Variants in ATAD3C observed in about 807,000 individuals in gnomAD.
ATAD3C encodes the protein ATPase family AAA domain containing 3C.
ATAD3C carries 38 observed loss-of-function variants against 46.3 expected under a neutral mutation model. The ratio of observed to expected loss-of-function variants is 0.82; its 90% CI spans 0.63 to 1.08. The LOEUF is 1.08. ATAD3C is among the 50% of genes least tolerant of loss of function. The pLI, the probability that ATAD3C is intolerant of heterozygous loss-of-function variation, is 0.00. For missense variants in ATAD3C, 563 were observed against 572.7 expected (o/e 0.98, Z 0.17); for synonymous variants, 220 against 236.4 (o/e 0.93, Z 0.63).
chr1:1,455,678 G>A, intron 5 of ATAD3C, 113 bp from the exon 6 acceptor site: 1 of 1,560,954 alleles, frequency 6.4e-7, no homozygotes, highest in Non-Finnish European at 8.7e-7. Flanking sequence ...CTGCCCACGA[G>A]CTGGGTGGCT....
At chr1:1,452,234 C>T in intron 2 of ATAD3C, 112 bp downstream of exon 2, 1 of 1,579,864 alleles carries the variant, frequency 6.3e-7, no homozygotes, top group Non-Finnish European at 8.6e-7. Context: ...AGGCTGGCTC[C>T]TTGGTGGGGA....
Position 1,455,896 on chromosome 1 carries a change from G to C in ATAD3C, c.544G>C (p.Gly182Arg). The C allele has an allele frequency of 5.0e-6, 8 of 1,613,284 alleles. No homozygotes were observed. Among genetic ancestry groups the C allele is most frequent in the Non-Finnish European group, 6.8e-6 (8 of 1,179,702 alleles). ...HILLYGPPGT[G>R]KTLFAKKLAL... ...CCTGCTGTACGGGCCACCAGGCACC[G>C]GGAAGACGCTGTTTGCCAAGGTGAG... is the stretch of plus-strand genomic sequence containing the variant. Residue 182 changes from glycine (G) to arginine (R), a missense_variant, in exon 6 of 12, where the codon GGG becomes CGG. Physicochemically the swap from Gly to Arg is moderately radical, Grantham distance 125. Around this residue, in one of 3 missense-constraint regions of ATAD3C, gnomAD observed 263 missense variants for 243.1 expected, o/e 1.08. Transcript: ENST00000378785.
Position 1,455,649 on chromosome 1 carries a change from C to CCAAGCA in ATAD3C, c.438+130_438+131insCAAGCA. The CCAAGCA allele has an allele frequency of 1.9e-6, 3 of 1,561,232 alleles. No individual in the cohort carries two copies. The South Asian group carries it at 3.5e-5, about 18-fold the overall frequency. ...GGTCCTGAGATGCGACTGCTTGGAC[C>CCAAGCA]GTGCCGGGGATAGATAGGCTGCCCA... On this transcript the variant is annotated intron_variant, in intron 5 of 11. Coordinates refer to ENST00000378785, the MANE Select transcript of ATAD3C (RefSeq NM_001039211.3).
At chr1:1,463,754 T>TA (rs914408071) in intron 11 of ATAD3C, among the ~76,000 whole-genome samples, 6 of 151,146 alleles carry the variant, frequency 4.0e-5, no homozygotes, top group Admixed American at 1.3e-4. Context: ...CTACAAAAAA[T>TA]AAAAAAAATT....
intron 11 of ATAD3C, among the ~76,000 whole-genome samples, chr1:1,467,119 G>A (rs1356220883): frequency 6.6e-6 from 1 of 152,044 alleles, no homozygotes; most frequent in African/African-American, 2.4e-5. Context: ...CCGCGACCAG[G>A]TTTTGCCCCA....
intron 11 of ATAD3C, among the ~76,000 whole-genome samples, chr1:1,467,221 G>A (rs1238634220): frequency 1.3e-5 from 2 of 152,082 alleles, no homozygotes; most frequent in African/African-American, 4.8e-5. Flanking sequence ...GGCTCCGTGA[G>A]CATCTGCTCA....
chr1:1,455,341 C>G, intron 4 of ATAD3C, 119 bp from the exon 5 acceptor site: 3 of 1,431,410 alleles, frequency 2.1e-6, no homozygotes, highest in African/African-American at 1.4e-5. Context: ...AGCTCCAGGC[C>G]GGTCCTGGCT....
chr1:1,467,320 G>A (rs1025440332), intron 11 of ATAD3C, among the ~76,000 whole-genome samples: 3 of 151,872 alleles, frequency 2.0e-5, no homozygotes, highest in Non-Finnish European at 4.4e-5. Flanking sequence ...CTCTTGGGTG[G>A]GCTCAAGACC....
chr1:1,458,448 CT>C (rs201787085), intron 8 of ATAD3C, among the ~76,000 whole-genome samples: 59 of 146,604 alleles, frequency 4.0e-4, no homozygotes, highest in Non-Finnish European at 3.6e-4. Flanking sequence ...CTCATTTTGT[CT>C]TTTTTTTTTT....
intron 5 of ATAD3C, 70 bp from the exon 6 acceptor site, chr1:1,455,721 T>A (rs572516167): frequency 6.3e-7 from 1 of 1,597,760 alleles, no homozygotes; most frequent in Non-Finnish European, 8.5e-7. Flanking sequence ...CCAGGCATTC[T>A]CGCAGCCCCT....
rs550776499 is a variant in ATAD3C, at chr1:1,450,094, T to C, written c.-590T>C. On this transcript the variant is annotated 5_prime_UTR_variant, in exon 1 of 12. Transcript: ENST00000378785. ...CTGTAATCCCAGCACTTTGGGAGGCTGAGGTGGGCGGATCACGAGGTCAGG... is the reference window on the plus strand; with the variant it reads ...CTGTAATCCCAGCACTTTGGGAGGCCGAGGTGGGCGGATCACGAGGTCAGG... 33 of 152,322 alleles carry C rather than the reference T, an allele frequency of 2.2e-4. 1 individual carries two copies. In the East Asian group the frequency reaches 6.0e-3, roughly 28 times the overall value. 9.4% of individuals were successfully genotyped at this position (152,322 alleles called of 1,614,324 possible).
Position 1,450,363 on chromosome 1 carries a change from G to T in ATAD3C, c.-321G>T. ...AAAAGCATGTGTAACGTGAAAAAAT[G>T]GACACTTTAGCCATCGCCTGACTTT... On this transcript the variant is annotated 5_prime_UTR_variant, in exon 1 of 12. It removes an upstream start codon present in the reference 5' UTR. Transcript: ENST00000378785. 3.5e-6 allele frequency: 1 copy of T among 282,540 alleles called. No homozygotes were observed. Among genetic ancestry groups the T allele is most frequent in the Non-Finnish European group, 6.8e-6 (1 of 147,016 alleles). The allele number at this position is 282,540 out of a possible 1,614,324, so 17.5% of individuals were successfully genotyped here.
rs185154539 is a variant in ATAD3C, at chr1:1,453,991, T to C, written c.223-354T>C. On this transcript the variant is annotated intron_variant, in intron 3 of 11. Coordinates refer to ENST00000378785, the MANE Select transcript of ATAD3C (RefSeq NM_001039211.3). ...TAGAGATTTTGGGTTAGTCTTGTTT[T>C]CCAGGAATAAAGTACCATTTTTAGT... 2.0e-4 allele frequency among the ~76,000 whole-genome samples: 30 copies of C among 152,142 alleles called. No homozygotes were observed. The East Asian group carries it at 5.8e-3, about 29-fold the overall frequency.
intron 8 of ATAD3C, among the ~76,000 whole-genome samples, chr1:1,457,550 C>T (rs899084558): frequency 4.7e-5 from 6 of 128,124 alleles, no homozygotes; most frequent in African/African-American, 1.9e-4. Flanking sequence ...GAGCCGAGAT[C>T]GTGCTGCTGC....
chr1:1,467,865 T>TC (rs1189926241), intron 11 of ATAD3C, among the ~76,000 whole-genome samples: 1 of 151,984 alleles, frequency 6.6e-6, no homozygotes, highest in African/African-American at 2.4e-5. Flanking sequence ...CCCCAGCAGC[T>TC]CCAGCCTTCA....
rs557103811 is a variant in ATAD3C at position 1,460,889 on chromosome 1, G to C, written c.952G>C (p.Val318Leu). The C allele has an allele frequency of 1.9e-6, 3 of 1,611,566 alleles. No individual in the cohort carries two copies. Among genetic ancestry groups the C allele is most frequent in the Non-Finnish European group, 2.5e-6 (3 of 1,178,664 alleles). Reference protein sequence around the residue: ...RLVRMYLNEYVLKPATEGKRR... With the variant: ...RLVRMYLNEYLLKPATEGKRR... ...GGTGAGAATGTATCTTAACGAGTAT[G>C]TTCTTAAGCCGGCCACAGAAGGAAA... Residue 318 changes from valine (V) to leucine (L), a missense_variant, in exon 10 of 12, where the codon GTT becomes CTT. Coordinates refer to ENST00000378785, the MANE Select transcript of ATAD3C (RefSeq NM_001039211.3).
Position 1,469,587 on chromosome 1 carries a change from G to GT in ATAD3C, c.*1057_*1058insT, listed in dbSNP as rs1398580629. On this transcript the variant is annotated 3_prime_UTR_variant, in exon 12 of 12. Transcript: ENST00000378785. ...GAGACAGGGTCCCTTTGTTGCCCAG[G>GT]CTGGTCTCCAACTCCTGGGCTCAAG... The GT allele has an allele frequency of 6.6e-6, 1 of 151,666 alleles. No homozygotes were observed. The highest frequency in any genetic ancestry group is 1.5e-5 in the Non-Finnish European group (1 of 67,992). The allele number at this position is 151,666 out of a possible 1,614,324, so 9.4% of individuals were successfully genotyped here.
chr1:1,463,320 G>A (rs1639100009), intron 11 of ATAD3C, among the ~76,000 whole-genome samples: 1 of 152,060 alleles, frequency 6.6e-6, no homozygotes, highest in African/African-American at 2.4e-5. Flanking sequence ...CAGGTCTGTG[G>A]GGCAGAAGGC....
At position 1,454,443 on chromosome 1, in the gene ATAD3C, C is replaced by T; in HGVS notation, c.321C>T (p.Ser107=). ...RYIEARLGKP[S]LVRETSRITV... is the part of the protein sequence containing the mutation. ...TCGAGGCTCGGCTGGGGAAGCCGTCCCTAGTGAGGGAGACGTCCCGCATCA... is the reference window on the plus strand; with the variant it reads ...TCGAGGCTCGGCTGGGGAAGCCGTCTCTAGTGAGGGAGACGTCCCGCATCA... The change falls in exon 4 of 12, where the codon TCC becomes TCT. Residue 107 remains serine, a synonymous_variant. Transcript: ENST00000378785. 6.2e-7 allele frequency: 1 copy of T among 1,609,696 alleles called. No individual in the cohort carries two copies. Among genetic ancestry groups the T allele is most frequent in the Non-Finnish European group, 8.5e-7 (1 of 1,179,098 alleles).
Sources: allele counts gnomAD v4.1 joint callset (sites outside exome capture counted in the v4.1 genomes callset), GRCh38; gene constraint gnomAD v4.1.1; regional missense constraint gnomAD v4.1.1; transcripts MANE v1.5; gene names NCBI Gene and HGNC (gene_info 2026-07-23, HGNC 2026-07-21).